Variants in NXN observed in about 807,000 individuals in gnomAD.
NXN encodes nucleoredoxin 1.
Under a neutral mutation model 48.6 loss-of-function variants are expected in NXN, and 16 were observed. The observed-to-expected ratio is 0.33, with a 90% CI of 0.22 to 0.50. NXN has a LOEUF of 0.50. NXN is among the 20% of genes least tolerant of loss of function. NXN has a pLI of 0.98. For synonymous variants in NXN, 281 were observed against 269.6 expected, an observed-to-expected ratio of 1.04 and a Z score of -0.41; for missense variants, 492 against 605.5, an observed-to-expected ratio of 0.81 and a Z score of 1.97.
chr17:979,240 G>A (rs1597296613), intron 1 of NXN, 79 bp downstream of exon 1: 1 of 1,085,836 alleles, frequency 9.2e-7, no homozygotes, highest in East Asian at 5.5e-5. Context: ...GCGGAGGGCA[G>A]GGGTAACGGG....
At chr17:947,417 C>T (rs1352326166) in intron 1 of NXN, among the ~76,000 whole-genome samples, 1 of 152,078 alleles carries the variant, frequency 6.6e-6, no homozygotes, top group African/African-American at 2.4e-5. Flanking sequence ...TCTACATCCA[C>T]GGATTCGACT....
intron 1 of NXN, among the ~76,000 whole-genome samples, chr17:855,267 G>A (rs903823570): frequency 6.6e-6 from 1 of 152,198 alleles, no homozygotes; most frequent in African/African-American, 2.4e-5. Context: ...TACAGAGCGA[G>A]ACGTTATCTC....
At chr17:866,090 G>A (rs2068092940) in intron 1 of NXN, among the ~76,000 whole-genome samples, 1 of 152,192 alleles carries the variant, frequency 6.6e-6, no homozygotes, top group South Asian at 2.1e-4. Flanking sequence ...CAGTGGGCAA[G>A]TAAATTACGC....
chr17:840,591 G>A (rs1373087530), intron 1 of NXN, among the ~76,000 whole-genome samples: 5 of 152,158 alleles, frequency 3.3e-5, no homozygotes, highest in Admixed American at 6.5e-5. Context: ...CGCCCGCCTG[G>A]GCCTCCCAAA....
chr17:927,314 G>T lies in NXN; in HGVS notation c.360+52005C>A, dbSNP rs142732011. On this transcript the variant is annotated intron_variant, in intron 1 of 7. Transcript: ENST00000336868. ...AAAAGAAAAGAAAAGGGAGGTAAAAGAAGCAAAATTAGGACTGGGTGCTGT... is the reference window on the plus strand; with the variant it reads ...AAAAGAAAAGAAAAGGGAGGTAAAATAAGCAAAATTAGGACTGGGTGCTGT... Among the ~76,000 whole-genome samples the T allele has an allele frequency of 6.4e-4, 96 of 151,028 alleles. 1 individual carries two copies. The East Asian group carries it at 0.018, about 28-fold the overall frequency.
chr17:806,773 C>A (rs1911558191), intron 5 of NXN, among the ~76,000 whole-genome samples: 1 of 152,196 alleles, frequency 6.6e-6, no homozygotes, highest in Non-Finnish European at 1.5e-5. Flanking sequence ...GCTGCGGCCA[C>A]CAGCACCGCG....
At chr17:812,246 C>T (rs914466044) in intron 5 of NXN, among the ~76,000 whole-genome samples, 3 of 152,074 alleles carry the variant, frequency 2.0e-5, no homozygotes, top group East Asian at 1.9e-4. Flanking sequence ...CATTTTCACC[C>T]GAGCCTGTCA....
chr17:861,409 C>T lies in NXN; in HGVS notation c.361-35331G>A, dbSNP rs144962366. 7.9e-3 allele frequency among the ~76,000 whole-genome samples: 1,205 copies of T among 152,330 alleles called. 12 individuals are homozygous for T. Among genetic ancestry groups the T allele is most frequent in the East Asian group, 0.035 (179 of 5,184 alleles). ...TCGGCCTCCCACAGTGCTGGGATTA[C>T]AGGCGTGAGCCGCCGCGCCTGACCA... On this transcript the variant is annotated intron_variant, in intron 1 of 7. Transcript: ENST00000336868.
chr17:940,449 G>A (rs2068958638), intron 1 of NXN, among the ~76,000 whole-genome samples: 1 of 152,152 alleles, frequency 6.6e-6, no homozygotes, highest in South Asian at 2.1e-4. Flanking sequence ...GTAAAAAGAA[G>A]GAAAAAGGGC....
At chr17:829,267 T>C (rs1678199352) in intron 1 of NXN, among the ~76,000 whole-genome samples, 1 of 151,784 alleles carries the variant, frequency 6.6e-6, no homozygotes, top group African/African-American at 2.4e-5. Flanking sequence ...ACGAATTCTC[T>C]GCCTCAGCCT....
chr17:802,593 A>C (rs986249449), intron 7 of NXN, among the ~76,000 whole-genome samples: 2 of 152,184 alleles, frequency 1.3e-5, no homozygotes, highest in Admixed American at 1.3e-4. Flanking sequence ...GCCATTCTGC[A>C]GGGGTTGGAG....
At position 841,394 on chromosome 17, in the gene NXN, GGC is replaced by G. The variant is rs1567827329; in HGVS notation, c.361-15318_361-15317del. Among the ~76,000 whole-genome samples the G allele has an allele frequency of 3.8e-3, 335 of 87,306 alleles. 35 individuals carry two copies. Among genetic ancestry groups the G allele is most frequent in the Admixed American group, 0.026 (215 of 8,296 alleles). 57.3% of individuals were successfully genotyped at this position (87,306 alleles called of 152,430 possible). A position where few individuals can be genotyped will look rare whatever the true frequency, so the allele number is the denominator to read the frequency against. ...GCCCACACACGGTGCATCTCACGCC[GGC>G]GAGCAGGTCCCCCCTGACCACGGCG... On this transcript the variant is annotated intron_variant, in intron 1 of 7. Coordinates refer to ENST00000336868, the MANE Select transcript of NXN (RefSeq NM_022463.5).
intron 1 of NXN, among the ~76,000 whole-genome samples, chr17:863,716 A>G (rs946576848): frequency 6.7e-6 from 1 of 150,096 alleles, no homozygotes; most frequent in African/African-American, 2.5e-5. Flanking sequence ...TCCTGCCTCA[A>G]CCTCCCATAG....
chr17:857,200 T>C (rs60697764), intron 1 of NXN, among the ~76,000 whole-genome samples: 16,392 of 152,256 alleles, frequency 0.11, 969 homozygotes, highest in Middle Eastern at 0.23. Flanking sequence ...TCCTCACAGA[T>C]GGCGCCTTCT....
intron 1 of NXN, among the ~76,000 whole-genome samples, chr17:857,050 G>A (rs192637367): frequency 7.2e-5 from 11 of 152,244 alleles, no homozygotes; most frequent in Admixed American, 5.2e-4. Context: ...ATTTATTTCT[G>A]TCTGAATCCA....
chr17:832,179 A>AT (rs111637104), intron 1 of NXN, among the ~76,000 whole-genome samples: 27,200 of 149,988 alleles, frequency 0.18, 2,922 homozygotes, highest in African/African-American at 0.31. Flanking sequence ...TTAGCCAGGA[A>AT]TTTTTTTTTC....
Position 834,575 on chromosome 17 carries a change from T to C in NXN, c.361-8497A>G, listed in dbSNP as rs1316894441. 2.0e-5 allele frequency among the ~76,000 whole-genome samples: 3 copies of C among 152,200 alleles called. No homozygotes were observed. The East Asian group carries it at 5.8e-4, about 30-fold the overall frequency. On this transcript the variant is annotated intron_variant, in intron 1 of 7. Coordinates refer to ENST00000336868, the MANE Select transcript of NXN (RefSeq NM_022463.5). ...AATTACAGGCACCAACCACCATGCC[T>C]GGCTAATTTTTGTATTTTTAGTAGA...
chr17:886,671 A>G (rs113477381), intron 1 of NXN, among the ~76,000 whole-genome samples: 2,603 of 152,144 alleles, frequency 0.017, 37 homozygotes, highest in Non-Finnish European at 0.022. Context: ...CCAGCTACTC[A>G]GGAGACTGAG....
chr17:947,458 C>T (rs912170937), intron 1 of NXN, among the ~76,000 whole-genome samples: 1 of 151,670 alleles, frequency 6.6e-6, no homozygotes, highest in Non-Finnish European at 1.5e-5. Flanking sequence ...CAGGGCTCGG[C>T]GTGGTGGCTC....
Sources: gnomAD v4.1 joint callset for allele counts (sites outside exome capture counted in the v4.1 genomes callset) on GRCh38, gnomAD v4.1.1 for gene constraint, MANE v1.5 for transcripts, NCBI Gene and HGNC (gene_info 2026-07-23, HGNC 2026-07-21) for gene names.